Variants in HIPK1 observed in about 807,000 individuals in gnomAD.
HIPK1 encodes homeodomain-interacting protein kinase 1.
Under a neutral mutation model 117.1 loss-of-function variants are expected in HIPK1, and 28 were observed. That is an observed-to-expected ratio of 0.24 (90% CI 0.18 to 0.33). The LOEUF (loss-of-function observed/expected upper bound fraction) is 0.33, where lower values mean the gene tolerates loss of function less well. Ranked by LOEUF, HIPK1 falls within the 10% of genes least tolerant of loss-of-function variation. The pLI, the probability that HIPK1 is intolerant of heterozygous loss-of-function variation, is 1.00. For synonymous variants in HIPK1, 605 were observed against 562.5 expected, an observed-to-expected ratio of 1.08 and a Z score of -1.07; for missense variants, 1,122 against 1,475.1, an observed-to-expected ratio of 0.76 and a Z score of 3.92.
In HIPK1 at chr1:113,976,226, C is replaced by T. The variant is rs1401646508; in HGVS notation, c.*2714C>T. Reference sequence around the variant, plus strand: ...AAATCATTATATTGAGTTGTGTTTTCAGCACTATATTGGTCAAGATAGCCA... The same window carrying T: ...AAATCATTATATTGAGTTGTGTTTTTAGCACTATATTGGTCAAGATAGCCA... On this transcript the variant is annotated 3_prime_UTR_variant, in exon 16 of 16. Transcript: ENST00000426820. 6.6e-6 allele frequency: 1 copy of T among 152,662 alleles called. No individual in the cohort carries two copies. The highest frequency in any genetic ancestry group is 1.9e-4 in the East Asian group (1 of 5,316). The allele number at this position is 152,662 out of a possible 1,614,324, so 9.5% of individuals were successfully genotyped here.
At chr1:113,965,001 A>G (rs1341028253) in intron 10 of HIPK1, among the ~76,000 whole-genome samples, 5 of 152,240 alleles carry the variant, frequency 3.3e-5, no homozygotes, top group Admixed American at 3.3e-4. Flanking sequence ...GGAAAGACGC[A>G]TGGTGTGACT....
At chr1:113,936,005 A>G (rs1021411916) in intron 1 of HIPK1, among the ~76,000 whole-genome samples, 1 of 152,228 alleles carries the variant, frequency 6.6e-6, no homozygotes, top group East Asian at 1.9e-4. Flanking sequence ...GGCAAGTTTA[A>G]TAGAACATAA....
intron 2 of HIPK1, among the ~76,000 whole-genome samples, chr1:113,945,305 G>A (rs993791507): frequency 6.6e-6 from 1 of 152,134 alleles, no homozygotes; most frequent in Admixed American, 6.5e-5. Flanking sequence ...TTTACCTGTT[G>A]ATAGTGTTTG....
chr1:113,967,629 C>A, intron 11 of HIPK1, 137 bp from the exon 12 acceptor site: 1 of 469,602 alleles, frequency 2.1e-6, no homozygotes, highest in Non-Finnish European at 3.7e-6. Context: ...GTTATTAATC[C>A]CTTATCAGAT....
chr1:113,956,659 C>T lies in HIPK1; in HGVS notation c.1440C>T (p.Asp480=). The change falls in exon 6 of 16, where the codon GAC becomes GAT. Residue 480 remains aspartate (D), a synonymous_variant. Coordinates refer to ENST00000426820, the MANE Select transcript of HIPK1 (RefSeq NM_198268.3). ...TGTCTACAGACCTGGAGGGAACAGA[C>T]ATGTTGGCAGAGAAGGCAGACCGAA... ...VNMSTDLEGT[D]MLAEKADRRE... 2.5e-6 allele frequency: 4 copies of T among 1,613,872 alleles called. No individual in the cohort carries two copies. Among genetic ancestry groups the T allele is most frequent in the Non-Finnish European group, 3.4e-6 (4 of 1,179,812 alleles).
In HIPK1 at chr1:113,977,095, C is replaced by T. The variant is rs553031365; in HGVS notation, c.*3583C>T. ...ACTAGAGGGGCTAAGCTTGACTGCC[C>T]TTAGCCAGGCAAGCACAGTAATGTG... On this transcript the variant is annotated 3_prime_UTR_variant, in exon 16 of 16. Coordinates refer to ENST00000426820, the MANE Select transcript of HIPK1 (RefSeq NM_198268.3). 2.6e-5 allele frequency: 4 copies of T among 152,834 alleles called. No homozygotes were observed. In the South Asian group the frequency reaches 8.3e-4, roughly 32 times the overall value. 9.5% of individuals were successfully genotyped at this position (152,834 alleles called of 1,614,324 possible). A position where few individuals can be genotyped will look rare whatever the true frequency, so the allele number is the denominator to read the frequency against.
chr1:113,975,846 T>G lies in HIPK1; in HGVS notation c.*2334T>G, dbSNP rs761134591. On this transcript the variant is annotated 3_prime_UTR_variant, in exon 16 of 16. Coordinates refer to ENST00000426820, the MANE Select transcript of HIPK1 (RefSeq NM_198268.3). ...AAATTGTCCTTGTACTCTCAGCTCC[T>G]GCATGGATCTGGGTCAAGTAGAAGG... 1 of 152,694 alleles carries G rather than the reference T, an allele frequency of 6.5e-6. No homozygotes were observed. Among genetic ancestry groups the G allele is most frequent in the Non-Finnish European group, 1.5e-5 (1 of 68,052 alleles). The allele number at this position is 152,694 out of a possible 1,614,324, so 9.5% of individuals were successfully genotyped here. A position where few individuals can be genotyped will look rare whatever the true frequency, so the allele number is the denominator to read the frequency against.
At chr1:113,966,886 C>T (rs1266100387) in intron 11 of HIPK1, among the ~76,000 whole-genome samples, 1 of 151,334 alleles carries the variant, frequency 6.6e-6, no homozygotes, top group East Asian at 1.9e-4. Context: ...CCCCACTAGC[C>T]CTCCACTACT....
At chr1:113,939,959 T>C (rs1429385170) in intron 1 of HIPK1, among the ~76,000 whole-genome samples, 4 of 151,812 alleles carry the variant, frequency 2.6e-5, no homozygotes, top group African/African-American at 9.7e-5. Context: ...GTTACTTTTT[T>C]TTTTTTTTTT....
Position 113,940,631 on chromosome 1 carries a change from A to G in HIPK1, c.248A>G (p.His83Arg). 6.2e-7 allele frequency: 1 copy of G among 1,614,210 alleles called. No individual in the cohort carries two copies. The highest frequency in any genetic ancestry group is 8.5e-7 in the Non-Finnish European group (1 of 1,180,038). Residue 83 changes from histidine (H) to arginine (R), a missense_variant, in exon 2 of 16, where the codon CAT becomes CGT. By Grantham distance (29) the His-to-Arg change is conservative. Coordinates refer to ENST00000426820, the MANE Select transcript of HIPK1 (RefSeq NM_198268.3). ...CTCCTCCCAGCTCCTGCAGTGGAGC[A>G]TATTGTTGTAACAGCCGCTGATAGC... ...GLLLPAPAVEHIVVTAADSSG... is the reference protein window; with the variant it reads ...GLLLPAPAVERIVVTAADSSG...
chr1:113,941,702 C>T lies in HIPK1; in HGVS notation c.1076+243C>T, dbSNP rs978838899. ...GAAAGTTGTTACTAGTTGAATTATA[C>T]TAGCACCTGGTTCTTTAGTATTATT... On this transcript the variant is annotated intron_variant, in intron 2 of 15. Coordinates refer to ENST00000426820, the MANE Select transcript of HIPK1 (RefSeq NM_198268.3). This position sits in a 1 kb window ranked among gnomAD's most constrained non-coding sequence, Gnocchi z 4.9. Among the ~76,000 whole-genome samples the T allele has an allele frequency of 6.6e-6, 1 of 152,118 alleles. No individual in the cohort carries two copies. Among genetic ancestry groups the T allele is most frequent in the Non-Finnish European group, 1.5e-5 (1 of 68,020 alleles).
chr1:113,944,937 T>C (rs1670891927), intron 2 of HIPK1, among the ~76,000 whole-genome samples: 1 of 152,178 alleles, frequency 6.6e-6, no homozygotes, highest in African/African-American at 2.4e-5. Flanking sequence ...AGCCATGACC[T>C]CTCAGGCTCA....
Position 113,967,762 on chromosome 1 carries a change from A to G in HIPK1, c.2382-4A>G. On this transcript the variant is annotated splice_polypyrimidine_tract_variant and splice_region_variant and intron_variant, in intron 11 of 15. Coordinates refer to ENST00000426820, the MANE Select transcript of HIPK1 (RefSeq NM_198268.3). ...CACTCTTCTCTTTCTTTCTGTTGGTACAGGAATGCCCACTCTCATGGCAAC... is the reference window on the plus strand; with the variant it reads ...CACTCTTCTCTTTCTTTCTGTTGGTGCAGGAATGCCCACTCTCATGGCAAC... 6.6e-7 allele frequency: 1 copy of G among 1,504,956 alleles called. No homozygotes were observed. Among genetic ancestry groups the G allele is most frequent in the Non-Finnish European group, 8.9e-7 (1 of 1,128,020 alleles). The allele number at this position is 1,504,956 out of a possible 1,614,324, so 93.2% of individuals were successfully genotyped here. A position where few individuals can be genotyped will look rare whatever the true frequency, so the allele number is the denominator to read the frequency against.
rs1669739566 is a variant in HIPK1 at position 113,929,973 on chromosome 1, G to A, written c.-3+441G>A. 3 of 985,432 alleles carry A rather than the reference G, an allele frequency of 3.0e-6. No homozygotes were observed. In the South Asian group the frequency reaches 1.4e-4, roughly 46 times the overall value. The allele number at this position is 985,432 out of a possible 1,614,324, so 61.0% of individuals were successfully genotyped here. ...GGACGGGCAGGAGGGGTCCTCGGCG[G>A]GGAGCGACTTCCCCTCAGCTCCCTG... On this transcript the variant is annotated intron_variant, in intron 1 of 15. Coordinates refer to ENST00000426820, the MANE Select transcript of HIPK1 (RefSeq NM_198268.3).
chr1:113,947,405 T>C (rs1365698306), intron 2 of HIPK1, among the ~76,000 whole-genome samples: 2 of 152,338 alleles, frequency 1.3e-5, no homozygotes, highest in South Asian at 2.1e-4. Context: ...GGAAAACGTA[T>C]CTTCCATTTA....
intron 3 of HIPK1, among the ~76,000 whole-genome samples, chr1:113,954,156 C>G (rs1016420153): frequency 1.3e-5 from 2 of 151,950 alleles, no homozygotes; most frequent in African/African-American, 4.8e-5. Flanking sequence ...AGTCGGGGAT[C>G]TTGCTATATC....
chr1:113,968,502 C>T lies in HIPK1; in HGVS notation c.2625C>T (p.Arg875=). 1 of 1,614,100 alleles carries T rather than the reference C, an allele frequency of 6.2e-7. No individual in the cohort carries two copies. Residue 875 remains arginine, a synonymous_variant, in exon 13 of 16, where the codon CGC becomes CGT. Coordinates refer to ENST00000426820, the MANE Select transcript of HIPK1 (RefSeq NM_198268.3). ...CTCTGGTTGGGAGCAGTCCCCTCCG[C>T]ACCACATCTTCTTATAATTCCTTGG... ...VYSLVGSSPL[R]TTSSYNSLVP...
intron 1 of HIPK1, among the ~76,000 whole-genome samples, chr1:113,937,488 G>A (rs895856702): frequency 3.9e-5 from 6 of 151,982 alleles, no homozygotes; most frequent in Non-Finnish European, 7.4e-5. Context: ...CAAGGATCGA[G>A]CATTTGAAAA....
intron 9 of HIPK1, 28 bp downstream of exon 9, chr1:113,962,466 A>G: frequency 1.2e-6 from 2 of 1,606,086 alleles, no homozygotes; most frequent in Non-Finnish European, 1.7e-6. Context: ...GTGGATACTC[A>G]GTATTGCTAA....
Sources: allele counts gnomAD v4.1 joint callset (sites outside exome capture counted in the v4.1 genomes callset), GRCh38; gene constraint gnomAD v4.1.1; non-coding constraint Gnocchi (gnomAD v3.1); transcripts MANE v1.5; gene names NCBI Gene and HGNC (gene_info 2026-07-23, HGNC 2026-07-21).